Variants in LOC128125817 observed in about 807,000 individuals in gnomAD.
chr1:41,597,846 C>G, the LOC128125817 span, among the ~76,000 whole-genome samples: 1 of 152,212 alleles, frequency 6.6e-6, no homozygotes, highest in Non-Finnish European at 1.5e-5. Context: ...CAAAAATGAA[C>G]TGACATTAGC....
At chr1:41,600,109 C>G in the LOC128125817 span, among the ~76,000 whole-genome samples, 15 of 152,176 alleles carry the variant, frequency 9.9e-5, no homozygotes, top group African/African-American at 3.6e-4. Context: ...CTGTTGCACT[C>G]TGCTGGTAGG....
At chr1:41,610,757 A>G in the LOC128125817 span, among the ~76,000 whole-genome samples, 1 of 152,186 alleles carries the variant, frequency 6.6e-6, no homozygotes, top group Non-Finnish European at 1.5e-5. Flanking sequence ...CTTGTGAGGC[A>G]TTCGCACTCT....
chr1:41,618,252 T>C, the LOC128125817 span, among the ~76,000 whole-genome samples: 1 of 151,730 alleles, frequency 6.6e-6, no homozygotes, highest in Non-Finnish European at 1.5e-5. Flanking sequence ...CACAGAAGAG[T>C]CTCCTTGCGC....
At chr1:41,627,368 G>T in the LOC128125817 span, among the ~76,000 whole-genome samples, 5 of 152,136 alleles carry the variant, frequency 3.3e-5, no homozygotes, top group Non-Finnish European at 5.9e-5. Flanking sequence ...TAAGAGTCGG[G>T]GCTGGGATTT....
At chr1:41,589,302 C>T in the LOC128125817 span, among the ~76,000 whole-genome samples, 1 of 152,216 alleles carries the variant, frequency 6.6e-6, no homozygotes, top group African/African-American at 2.4e-5. Flanking sequence ...CAGAGACCAG[C>T]TTATAACCCT....
At chr1:41,587,741 T>TA in the LOC128125817 span, among the ~76,000 whole-genome samples, 8 of 152,136 alleles carry the variant, frequency 5.3e-5, 1 homozygote, top group African/African-American at 1.9e-4. Flanking sequence ...TGATTTTCCC[T>TA]GAAAATCACA....
chr1:41,601,960 T>C, the LOC128125817 span, among the ~76,000 whole-genome samples: 1 of 152,228 alleles, frequency 6.6e-6, no homozygotes, highest in African/African-American at 2.4e-5. Flanking sequence ...AAGGGTGTGT[T>C]GAATTTTGTC....
At chr1:41,585,611 C>T in the LOC128125817 span, among the ~76,000 whole-genome samples, 1 of 152,158 alleles carries the variant, frequency 6.6e-6, no homozygotes, top group Non-Finnish European at 1.5e-5. Context: ...AAAGTGGGCT[C>T]TGGGAACTGC....
the LOC128125817 span, among the ~76,000 whole-genome samples, chr1:41,586,452 C>T: frequency 6.6e-6 from 1 of 152,230 alleles, no homozygotes. Context: ...AGAGTTTGTT[C>T]CCCAGCCCCT....
chr1:41,592,141 T>G, the LOC128125817 span, among the ~76,000 whole-genome samples: 19 of 152,296 alleles, frequency 1.2e-4, no homozygotes, highest in East Asian at 3.3e-3. Flanking sequence ...TGGCTTGCTT[T>G]CTTCAACTTT....
the LOC128125817 span, among the ~76,000 whole-genome samples, chr1:41,627,520 G>A: frequency 2.6e-5 from 4 of 152,136 alleles, no homozygotes; most frequent in African/African-American, 7.2e-5. Context: ...GCCTAGGGCT[G>A]GTAGGCCCAA....
the LOC128125817 span, among the ~76,000 whole-genome samples, chr1:41,614,090 G>A: frequency 6.6e-6 from 1 of 152,224 alleles, no homozygotes; most frequent in Non-Finnish European, 1.5e-5. Context: ...GTGGCGTCCG[G>A]CAGCAGATGT....
the LOC128125817 span, among the ~76,000 whole-genome samples, chr1:41,603,905 C>A: frequency 1.3e-5 from 2 of 152,088 alleles, no homozygotes; most frequent in African/African-American, 4.8e-5. Flanking sequence ...ATATTCTATC[C>A]GTTATTAAAA....
chr1:41,609,775 G>A, the LOC128125817 span, among the ~76,000 whole-genome samples: 1 of 152,216 alleles, frequency 6.6e-6, no homozygotes, highest in Non-Finnish European at 1.5e-5. Context: ...TTCCCTCCTA[G>A]ACATGTGGCA....
the LOC128125817 span, among the ~76,000 whole-genome samples, chr1:41,600,066 G>A: frequency 6.6e-6 from 1 of 152,240 alleles, no homozygotes; most frequent in Non-Finnish European, 1.5e-5. Context: ...AGAAAAAGAA[G>A]TATTTGCAAG....
chr1:41,615,815 CTTTTTTTTTT>C, the LOC128125817 span, among the ~76,000 whole-genome samples: 10 of 46,990 alleles, frequency 2.1e-4, no homozygotes, highest in Admixed American at 1.1e-3. Flanking sequence ...TTTGACAAGT[CTTTTTTTTTT>C]TTTTTTTTTT....
At chr1:41,617,761 A>T in the LOC128125817 span, among the ~76,000 whole-genome samples, 1 of 152,138 alleles carries the variant, frequency 6.6e-6, no homozygotes, top group Non-Finnish European at 1.5e-5. Flanking sequence ...TGAGAAAGAG[A>T]CCCTTTGTGA....
chr1:41,626,581 G>A, the LOC128125817 span, among the ~76,000 whole-genome samples: 1 of 152,192 alleles, frequency 6.6e-6, no homozygotes, highest in Non-Finnish European at 1.5e-5. Context: ...TATCTGGCTT[G>A]CATCTCTCAG....
the LOC128125817 span, among the ~76,000 whole-genome samples, chr1:41,614,695 A>T: frequency 6.6e-6 from 1 of 152,228 alleles, no homozygotes; most frequent in Admixed American, 6.5e-5. Context: ...ATGAAAGACC[A>T]GAAGGGATGG....
Sources: gnomAD v4.1 joint callset for allele counts (sites outside exome capture counted in the v4.1 genomes callset) on GRCh38, gnomAD v4.1.1 for gene constraint, MANE v1.5 for transcripts.